SUGCT: variants seen among roughly 807,000 people sequenced by gnomAD.
SUGCT encodes the protein succinyl-CoA:glutarate CoA-transferase.
In SUGCT, 41 loss-of-function variants were observed where a neutral mutation model predicts 55.0. The observed-to-expected ratio is 0.74, with a 90% confidence interval of 0.58 to 0.97. The LOEUF is 0.97. Among genes scored for constraint, SUGCT ranks in the 50% least tolerant of loss-of-function variants. The pLI is 0.00. For synonymous variants in SUGCT, 187 were observed against 200.4 expected, an observed-to-expected ratio of 0.93 and a Z score of 0.56; for missense variants, 568 against 547.8, an observed-to-expected ratio of 1.04 and a Z score of -0.37.
At chr7:40,771,711 T>C (rs1161749069) in intron 13 of SUGCT, among the ~76,000 whole-genome samples, 1 of 152,182 alleles carries the variant, frequency 6.6e-6, no homozygotes, top group African/African-American at 2.4e-5. Context: ...GTGAAATAAA[T>C]GAGACTTGAA....
At chr7:40,804,375 C>G (rs532042320) in intron 13 of SUGCT, among the ~76,000 whole-genome samples, 5 of 151,580 alleles carry the variant, frequency 3.3e-5, no homozygotes, top group Non-Finnish European at 7.4e-5. Flanking sequence ...ACTGCAGTCT[C>G]TCTAACATTT....
At chr7:40,869,478 C>A in the SUGCT span, among the ~76,000 whole-genome samples, 1 of 152,204 alleles carries the variant, frequency 6.6e-6, no homozygotes, top group East Asian at 1.9e-4. Flanking sequence ...GAAGTGGATC[C>A]ATTTCCAGAG....
At chr7:40,388,632 T>C (rs764890805) in intron 9 of SUGCT, among the ~76,000 whole-genome samples, 3 of 152,182 alleles carry the variant, frequency 2.0e-5, no homozygotes, top group Non-Finnish European at 1.5e-5. Flanking sequence ...CTCAGTCTGG[T>C]CTTGAACTCC....
At chr7:40,162,939 C>T (rs1383399171) in intron 1 of SUGCT, among the ~76,000 whole-genome samples, 1 of 152,292 alleles carries the variant, frequency 6.6e-6, no homozygotes, top group East Asian at 1.9e-4. Flanking sequence ...TTGGGCAGGA[C>T]TGGCGGGGTT....
chr7:40,447,591 A>T (rs1788912359), intron 9 of SUGCT, among the ~76,000 whole-genome samples: 2 of 152,192 alleles, frequency 1.3e-5, no homozygotes, highest in African/African-American at 2.4e-5. Flanking sequence ...ACAAAGGAAC[A>T]TTCAAGATAC....
chr7:40,678,999 A>T (rs1784123305), intron 12 of SUGCT, among the ~76,000 whole-genome samples: 1 of 152,230 alleles, frequency 6.6e-6, no homozygotes, highest in Admixed American at 6.5e-5. Context: ...AGCCACCTAT[A>T]GTTCAAGATA....
At chr7:40,453,434 T>A (rs1789301465) in intron 10 of SUGCT, among the ~76,000 whole-genome samples, 1 of 152,250 alleles carries the variant, frequency 6.6e-6, no homozygotes, top group Non-Finnish European at 1.5e-5. Flanking sequence ...ATGTTGTTTA[T>A]GAACTCTTGG....
At chr7:40,204,754 C>G (rs186476234) in intron 6 of SUGCT, among the ~76,000 whole-genome samples, 1 of 150,028 alleles carries the variant, frequency 6.7e-6, no homozygotes, top group Admixed American at 6.7e-5. Flanking sequence ...AGTGAGACCT[C>G]GTCTCTAGAA....
chr7:40,500,689 G>T (rs1278604093), intron 12 of SUGCT, among the ~76,000 whole-genome samples: 1 of 152,058 alleles, frequency 6.6e-6, no homozygotes, highest in East Asian at 1.9e-4. Context: ...TTTTGAAATT[G>T]GAGAGTTTAT....
intron 12 of SUGCT, among the ~76,000 whole-genome samples, chr7:40,729,210 G>A (rs988118351): frequency 6.6e-6 from 1 of 152,154 alleles, no homozygotes; most frequent in African/African-American, 2.4e-5. Flanking sequence ...TAGTGGATAA[G>A]TACTCCAACA....
At chr7:40,893,929 C>T in the SUGCT span, among the ~76,000 whole-genome samples, 10 of 151,934 alleles carry the variant, frequency 6.6e-5, no homozygotes, top group Admixed American at 3.3e-4. Flanking sequence ...CACATGGTGG[C>T]AGGCACCTGT....
chr7:40,452,548 A>G (rs1023455356), intron 10 of SUGCT, among the ~76,000 whole-genome samples: 4 of 152,232 alleles, frequency 2.6e-5, no homozygotes, highest in African/African-American at 4.8e-5. Flanking sequence ...GCTCCAAAAT[A>G]TAATATATCC....
At chr7:40,487,037 A>G (rs1254134012) in intron 11 of SUGCT, among the ~76,000 whole-genome samples, 1 of 131,596 alleles carries the variant, frequency 7.6e-6, no homozygotes, top group African/African-American at 2.9e-5. Flanking sequence ...ATCTATTTTT[A>G]TACTATTTTG....
chr7:40,937,451 C>G, the SUGCT span, among the ~76,000 whole-genome samples: 1 of 152,200 alleles, frequency 6.6e-6, no homozygotes, highest in Non-Finnish European at 1.5e-5. Context: ...GCCGCTGCAC[C>G]TGGCTTCAGT....
intron 11 of SUGCT, among the ~76,000 whole-genome samples, chr7:40,487,737 G>A (rs1791460823): frequency 6.6e-6 from 1 of 152,036 alleles, no homozygotes; most frequent in African/African-American, 2.4e-5. Flanking sequence ...TCTTGCTGAA[G>A]TGACTCCATT....
At chr7:40,524,568 C>CT (rs1793709483) in intron 12 of SUGCT, among the ~76,000 whole-genome samples, 1 of 151,966 alleles carries the variant, frequency 6.6e-6, no homozygotes, top group Non-Finnish European at 1.5e-5. Flanking sequence ...TTCTTCTTTG[C>CT]TTTTTTCTGA....
At chr7:40,851,412 A>G (rs977028911) in intron 13 of SUGCT, among the ~76,000 whole-genome samples, 1 of 152,208 alleles carries the variant, frequency 6.6e-6, no homozygotes, top group Non-Finnish European at 1.5e-5. Flanking sequence ...GTAAGCGTTC[A>G]TTAAATAGTA....
intron 12 of SUGCT, among the ~76,000 whole-genome samples, chr7:40,565,388 G>A (rs1424918915): frequency 6.6e-6 from 1 of 152,218 alleles, no homozygotes; most frequent in African/African-American, 2.4e-5. Context: ...AGGGAATATG[G>A]CTTTGATTAA....
At chr7:40,699,921 G>A (rs1352893263) in intron 12 of SUGCT, among the ~76,000 whole-genome samples, 4 of 152,162 alleles carry the variant, frequency 2.6e-5, no homozygotes, top group Non-Finnish European at 5.9e-5. Context: ...TTATTTCATT[G>A]TTGGCAGCAT....
Sources: allele counts gnomAD v4.1 joint callset (sites outside exome capture counted in the v4.1 genomes callset), GRCh38; gene constraint gnomAD v4.1.1; transcripts MANE v1.5; gene names NCBI Gene and HGNC (gene_info 2026-07-23, HGNC 2026-07-21).